The following CIB4 variants were observed in gnomAD, a reference collection of about 807,000 sequenced individuals.
CIB4 encodes the protein calcium and integrin binding family member 4.
Under a neutral mutation model 25.8 loss-of-function variants are expected in CIB4, and 25 were observed. That is an observed-to-expected ratio of 0.97 (90% confidence interval 0.71 to 1.35). CIB4 has a LOEUF of 1.35. Among genes scored for constraint, CIB4 ranks in the 40% most tolerant of loss-of-function variants. The pLI is 0.00. For missense variants in CIB4, 235 were observed against 228.2 expected, an observed-to-expected ratio of 1.03 and a Z score of -0.19; for synonymous variants, 75 against 81.4, an observed-to-expected ratio of 0.92 and a Z score of 0.42.
chr2:26,634,010 C>G (rs181587740), intron 2 of CIB4, among the ~76,000 whole-genome samples: 27 of 152,314 alleles, frequency 1.8e-4, no homozygotes, highest in Non-Finnish European at 3.7e-4. Flanking sequence ...TACCCCCTTG[C>G]CTCTGAGACC....
chr2:26,595,173 T>G lies in CIB4; in HGVS notation c.328+3A>C, dbSNP rs754970351. 1.6e-5 allele frequency: 25 copies of G among 1,606,908 alleles called. 2 individuals carry two copies. In the South Asian group the frequency reaches 2.6e-4, roughly 17 times the overall value. On this transcript the variant is annotated splice_donor_region_variant and intron_variant, in intron 4 of 6. Transcript: ENST00000288861. ...TCACCCCTCAGTCCCCCACAGCACCTACCATAGATGCGAAAGGCATACTCA... is the reference window on the plus strand; with the variant it reads ...TCACCCCTCAGTCCCCCACAGCACCGACCATAGATGCGAAAGGCATACTCA...
chr2:26,590,337 A>G (rs1191163544), intron 4 of CIB4, among the ~76,000 whole-genome samples: 1 of 151,380 alleles, frequency 6.6e-6, no homozygotes, highest in East Asian at 1.9e-4. Context: ...GGTTAGATCA[A>G]TGCTTCTTAG....
chr2:26,615,652 T>G (rs1308734632), intron 3 of CIB4, among the ~76,000 whole-genome samples: 1 of 152,098 alleles, frequency 6.6e-6, no homozygotes, highest in Non-Finnish European at 1.5e-5. Flanking sequence ...TCACACCCAT[T>G]TGGAAGATGA....
At chr2:26,595,439 G>A (rs1047613858) in intron 3 of CIB4, 122 bp from the exon 4 acceptor site, 1 of 1,107,442 alleles carries the variant, frequency 9.0e-7, no homozygotes, top group East Asian at 2.6e-5. Flanking sequence ...CAGCCACAAT[G>A]TAAATATCGG....
chr2:26,612,634 G>T (rs980213893), intron 3 of CIB4, among the ~76,000 whole-genome samples: 1 of 151,834 alleles, frequency 6.6e-6, no homozygotes, highest in Non-Finnish European at 1.5e-5. Context: ...CCCTTTTCTC[G>T]GTGATTCTTC....
rs370372547 is a variant in CIB4, at chr2:26,581,370, C to A, written c.551G>T (p.Gly184Val). The change falls in exon 7 of 7, where the codon GGA becomes GTA. Residue 184 changes from glycine (G) to valine (V), a missense_variant. Coordinates refer to ENST00000288861, the MANE Select transcript of CIB4 (RefSeq NM_001029881.3). ...FMNSFRIHFW[G>V]C ...CAGGTGTTTGCCGCTACATCAGCAT[C>A]CCCAGAAGTGAATCCGAAAGGAGCT... is the stretch of plus-strand genomic sequence containing the variant. The A allele has an allele frequency of 1.1e-5, 18 of 1,613,632 alleles. No homozygotes were observed. In the South Asian group the frequency reaches 2.0e-4, roughly 18 times the overall value.
intron 2 of CIB4, among the ~76,000 whole-genome samples, chr2:26,637,775 T>G (rs1244918202): frequency 6.6e-6 from 1 of 152,198 alleles, no homozygotes; most frequent in African/African-American, 2.4e-5. Flanking sequence ...CTATTCCACA[T>G]TCTCAGCTGC....
intron 3 of CIB4, among the ~76,000 whole-genome samples, chr2:26,599,780 AAAT>A (rs1668747070): frequency 6.6e-6 from 1 of 152,100 alleles, no homozygotes; most frequent in Non-Finnish European, 1.5e-5. Context: ...ACTCTTATTA[AAAT>A]AATATGATTG....
intron 4 of CIB4, among the ~76,000 whole-genome samples, chr2:26,592,324 C>A (rs1274207043): frequency 6.6e-6 from 1 of 152,220 alleles, no homozygotes; most frequent in Non-Finnish European, 1.5e-5. Flanking sequence ...GGCTAGAGGG[C>A]TCCAACTCCC....
intron 4 of CIB4, 82 bp from the exon 5 acceptor site, chr2:26,583,980 G>A: frequency 2.3e-6 from 2 of 863,486 alleles, no homozygotes; most frequent in African/African-American, 1.6e-5. Flanking sequence ...GGGGGACACA[G>A]CACCAGCCAG....
chr2:26,619,015 T>G (rs562487382), intron 3 of CIB4, among the ~76,000 whole-genome samples: 7 of 152,286 alleles, frequency 4.6e-5, no homozygotes, highest in African/African-American at 1.7e-4. Context: ...CTGTTCTTTA[T>G]CCAGAATTCC....
chr2:26,621,035 A>C (rs999850781), intron 3 of CIB4, among the ~76,000 whole-genome samples: 2 of 152,102 alleles, frequency 1.3e-5, no homozygotes, highest in African/African-American at 4.8e-5. Context: ...ACAGCATCAG[A>C]ATATTAAAGT....
At chr2:26,610,295 C>T (rs1668974481) in intron 3 of CIB4, among the ~76,000 whole-genome samples, 1 of 152,190 alleles carries the variant, frequency 6.6e-6, no homozygotes, top group Admixed American at 6.5e-5. Flanking sequence ...TCTATTTTGT[C>T]CCTCACTTTG....
chr2:26,635,305 C>T (rs552874877), intron 2 of CIB4, among the ~76,000 whole-genome samples: 145 of 152,320 alleles, frequency 9.5e-4, no homozygotes, highest in Middle Eastern at 3.4e-3. Flanking sequence ...GAGGTCTCCC[C>T]CCACCAGCCC....
intron 3 of CIB4, among the ~76,000 whole-genome samples, chr2:26,616,420 G>A (rs1030723950): frequency 6.6e-6 from 1 of 152,228 alleles, no homozygotes; most frequent in Non-Finnish European, 1.5e-5. Context: ...ATGGGAGCCT[G>A]GGAGGCCAGG....
At chr2:26,619,368 G>A (rs1001969700) in intron 3 of CIB4, among the ~76,000 whole-genome samples, 3 of 152,176 alleles carry the variant, frequency 2.0e-5, no homozygotes, top group Non-Finnish European at 4.4e-5. Flanking sequence ...GCGCTTGGGA[G>A]TTTGGGAATG....
rs113308065 is a variant in CIB4, at chr2:26,594,872, C to A, written c.328+304G>T. Among the ~76,000 whole-genome samples, 926 of 152,270 alleles carry A rather than the reference C, an allele frequency of 6.1e-3. 14 individuals carry two copies. Among genetic ancestry groups the A allele is most frequent in the African/African-American group, 0.021 (873 of 41,556 alleles). The stretch of plus-strand genomic sequence containing the variant: ...TCCTTCTGCCAAATAAGCATAAATC[C>A]TTTACATGCATATGTGATTCTCTCT... On this transcript the variant is annotated intron_variant, in intron 4 of 6. Coordinates refer to ENST00000288861, the MANE Select transcript of CIB4 (RefSeq NM_001029881.3).
intron 3 of CIB4, among the ~76,000 whole-genome samples, chr2:26,604,651 A>G (rs1027370374): frequency 6.6e-6 from 1 of 152,248 alleles, no homozygotes; most frequent in Non-Finnish European, 1.5e-5. Context: ...CATCAGCAGT[A>G]AACCAGAGCT....
At chr2:26,613,930 A>G (rs1321600332) in intron 3 of CIB4, among the ~76,000 whole-genome samples, 2 of 152,196 alleles carry the variant, frequency 1.3e-5, no homozygotes, top group Non-Finnish European at 2.9e-5. Context: ...GGCCGCTGAC[A>G]CCGGCAGGCA....
Sources: allele counts gnomAD v4.1 joint callset (sites outside exome capture counted in the v4.1 genomes callset), GRCh38; gene constraint gnomAD v4.1.1; transcripts MANE v1.5; gene names NCBI Gene and HGNC (gene_info 2026-07-23, HGNC 2026-07-21).